Variants in LAMA2 observed in about 807,000 individuals in gnomAD.
LAMA2 encodes laminin subunit alpha 2, also known as laminin subunit alpha-2.
A neutral mutation model predicts 364.8 loss-of-function variants in LAMA2; 269 were observed. That is an observed-to-expected ratio of 0.74 (90% CI 0.67 to 0.82). LAMA2 has a LOEUF of 0.82. LAMA2 is among the 40% of genes least tolerant of loss of function. The pLI, the probability that LAMA2 is intolerant of heterozygous loss-of-function variation, is 0.00. For missense variants in LAMA2, 3,807 were observed against 3,873.2 expected (o/e 0.98, Z 0.45); for synonymous variants, 1,379 against 1,370.6 (o/e 1.01, Z -0.14).
chr6:129,282,666 T>C (rs1352326343), intron 18 of LAMA2, among the ~76,000 whole-genome samples: 1 of 152,168 alleles, frequency 6.6e-6, no homozygotes, highest in Non-Finnish European at 1.5e-5. Flanking sequence ...CTAATTACCT[T>C]TCCTTTCAGG....
rs114150861 is a variant in LAMA2 at position 129,136,323 on chromosome 6, A to T, written c.640-7578A>T. Among the ~76,000 whole-genome samples the T allele has an allele frequency of 6.4e-3, 968 of 152,328 alleles. 9 individuals carry two copies. Among genetic ancestry groups the T allele is most frequent in the African/African-American group, 0.022 (910 of 41,566 alleles). On this transcript the variant is annotated intron_variant, in intron 4 of 64. Transcript: ENST00000421865. ...CAGAGGCTTTCTAAGAAAAAGAATC[A>T]TAGAGACTTTGATAAAATTGGAACT... is the stretch of plus-strand genomic sequence containing the variant.
intron 27 of LAMA2, 108 bp downstream of exon 27, chr6:129,316,279 T>A: frequency 1.1e-6 from 1 of 905,512 alleles, no homozygotes; most frequent in Non-Finnish European, 1.7e-6. Context: ...GGTTTTGCAG[T>A]ATAATGATAG....
At chr6:129,399,243 C>A (rs965719126) in intron 37 of LAMA2, among the ~76,000 whole-genome samples, 1 of 152,112 alleles carries the variant, frequency 6.6e-6, no homozygotes, top group Admixed American at 6.5e-5. Context: ...CTAAGAAGAA[C>A]AAAATAAGGT....
At chr6:129,390,320 A>G (rs1295775939) in intron 35 of LAMA2, among the ~76,000 whole-genome samples, 2 of 152,134 alleles carry the variant, frequency 1.3e-5, no homozygotes, top group East Asian at 3.9e-4. Flanking sequence ...GCTGCTGCTT[A>G]TAGGGGACCA....
chr6:129,048,913 C>T (rs867834579), intron 1 of LAMA2, among the ~76,000 whole-genome samples: 1 of 151,954 alleles, frequency 6.6e-6, no homozygotes, highest in African/African-American at 2.4e-5. Flanking sequence ...CCACACCCGG[C>T]GAGGAATGAC....
At chr6:129,296,696 T>C (rs1773206417) in intron 20 of LAMA2, among the ~76,000 whole-genome samples, 1 of 152,096 alleles carries the variant, frequency 6.6e-6, no homozygotes, top group African/African-American at 2.4e-5. Flanking sequence ...TTATTAAGTC[T>C]AATTTTCCAA....
Position 129,055,870 on chromosome 6 carries a change from G to A in LAMA2, c.284-3914G>A, listed in dbSNP as rs549235173. Reference sequence around the variant, plus strand: ...TTTATCCCTGTTGAGGATGTTATACGTTTCTATCTCCTTTTAAATAAGGGA... The same window carrying A: ...TTTATCCCTGTTGAGGATGTTATACATTTCTATCTCCTTTTAAATAAGGGA... On this transcript the variant is annotated intron_variant, in intron 2 of 64. Coordinates refer to ENST00000421865, the MANE Select transcript of LAMA2 (RefSeq NM_000426.4). 4.6e-5 allele frequency among the ~76,000 whole-genome samples: 7 copies of A among 152,280 alleles called. No individual in the cohort carries two copies. In the South Asian group the frequency reaches 8.3e-4, roughly 18 times the overall value.
chr6:129,099,388 T>C (rs1775388970), intron 4 of LAMA2, among the ~76,000 whole-genome samples: 1 of 152,092 alleles, frequency 6.6e-6, no homozygotes, highest in Non-Finnish European at 1.5e-5. Context: ...ATTATTATCC[T>C]TAGTCTTCTC....
intron 35 of LAMA2, among the ~76,000 whole-genome samples, chr6:129,383,858 TA>T (rs1778834264): frequency 6.6e-6 from 1 of 152,214 alleles, no homozygotes; most frequent in Admixed American, 6.5e-5. Flanking sequence ...CAAAAAAACC[TA>T]GTCCTTAAAT....
chr6:129,201,899 A>T (rs1782312499), intron 12 of LAMA2, among the ~76,000 whole-genome samples: 1 of 152,158 alleles, frequency 6.6e-6, no homozygotes, highest in South Asian at 2.1e-4. Context: ...ATCAGAAAAA[A>T]ACTAACATGG....
At chr6:129,012,715 G>A (rs1305865190) in intron 1 of LAMA2, among the ~76,000 whole-genome samples, 1 of 152,128 alleles carries the variant, frequency 6.6e-6, no homozygotes, top group Non-Finnish European at 1.5e-5. Flanking sequence ...AGTTAGTTAT[G>A]TTTTTTAGCT....
At chr6:129,140,357 C>A (rs1024646316) in intron 4 of LAMA2, among the ~76,000 whole-genome samples, 1 of 152,048 alleles carries the variant, frequency 6.6e-6, no homozygotes, top group Non-Finnish European at 1.5e-5. Context: ...GTTTCCCCCC[C>A]TTTATTTGCC....
At chr6:129,134,873 TC>T (rs1777691242) in intron 4 of LAMA2, among the ~76,000 whole-genome samples, 1 of 152,176 alleles carries the variant, frequency 6.6e-6, no homozygotes, top group Admixed American at 6.5e-5. Flanking sequence ...CATAGAGCTT[TC>T]CTTCTATTTA....
intron 55 of LAMA2, among the ~76,000 whole-genome samples, chr6:129,483,184 C>T (rs963991674): frequency 7.4e-5 from 11 of 149,534 alleles, no homozygotes; most frequent in Non-Finnish European, 1.0e-4. Flanking sequence ...TTAAAAAATA[C>T]TTAAGTAAAC....
chr6:129,403,884 T>C lies in LAMA2; in HGVS notation c.5790T>C (p.Asn1930=). 6.2e-7 allele frequency: 1 copy of C among 1,613,732 alleles called. No individual in the cohort carries two copies. The highest frequency in any genetic ancestry group is 1.7e-4 in the Middle Eastern group (1 of 6,060). Residue 1930 remains asparagine (N), a synonymous_variant, in exon 40 of 65, where the codon AAT becomes AAC. Coordinates refer to ENST00000421865, the MANE Select transcript of LAMA2 (RefSeq NM_000426.4). ...NATAAFKAYS[N]IKDYIDEAEK... Reference sequence around the variant, plus strand: ...CTGCAGCCTTCAAAGCTTACAGCAATATTAAGGACTATATTGATGAAGCTG... The same window carrying C: ...CTGCAGCCTTCAAAGCTTACAGCAACATTAAGGACTATATTGATGAAGCTG...
At chr6:129,308,876 A>G (rs1774040147) in intron 22 of LAMA2, among the ~76,000 whole-genome samples, 1 of 152,188 alleles carries the variant, frequency 6.6e-6, no homozygotes, top group Non-Finnish European at 1.5e-5. Flanking sequence ...GATGCCATGC[A>G]TTTAAACAAC....
intron 34 of LAMA2, among the ~76,000 whole-genome samples, chr6:129,376,183 TG>T (rs1357316532): frequency 6.6e-6 from 1 of 152,212 alleles, no homozygotes; most frequent in Non-Finnish European, 1.5e-5. Flanking sequence ...CCACTACTCA[TG>T]GTCTGGTCAT....
chr6:129,448,325 A>G (rs1445500624), intron 45 of LAMA2, among the ~76,000 whole-genome samples: 1 of 152,178 alleles, frequency 6.6e-6, no homozygotes, highest in Non-Finnish European at 1.5e-5. Flanking sequence ...GTACAAAAGT[A>G]ACGTTAAGAA....
chr6:129,050,289 T>C (rs1162820839), intron 2 of LAMA2, among the ~76,000 whole-genome samples: 3 of 152,176 alleles, frequency 2.0e-5, no homozygotes, highest in Non-Finnish European at 4.4e-5. Context: ...AGTACAGTGA[T>C]TGGAGATGAT....
Sources: gnomAD v4.1 joint callset for allele counts (sites outside exome capture counted in the v4.1 genomes callset) on GRCh38, gnomAD v4.1.1 for gene constraint, MANE v1.5 for transcripts, NCBI Gene and HGNC (gene_info 2026-07-23, HGNC 2026-07-21) for gene names.